Variants in CARD18 observed in about 807,000 individuals in gnomAD.
CARD18 encodes the protein caspase recruitment domain family member 18, also known as caspase recruitment domain-containing protein 18.
Under a neutral mutation model 7.9 loss-of-function variants are expected in CARD18, and 7 were observed. The observed-to-expected ratio is 0.88, with a 90% CI of 0.50 to 1.66. CARD18 has a LOEUF of 1.66. CARD18 is among the 40% of genes most tolerant of loss of function. CARD18 has a pLI of 0.00. For synonymous variants in CARD18, 34 were observed against 34.8 expected (o/e 0.98, Z 0.08); for missense variants, 134 against 105.5 (o/e 1.27, Z -1.18).
At chr11:105,138,694 G>T in intron 2 of CARD18, 118 bp downstream of exon 2, 1 of 1,146,994 alleles carries the variant, frequency 8.7e-7, no homozygotes, top group Non-Finnish European at 1.3e-6. Flanking sequence ...AAGGAATGGA[G>T]TCTGAGGCTA....
intron 1 of CARD18, 86 bp downstream of exon 1, chr11:105,139,634 A>C: frequency 8.7e-6 from 13 of 1,486,964 alleles, no homozygotes; most frequent in Non-Finnish European, 1.2e-5. Context: ...TGCCCACACA[A>C]ACCTTCACAA....
rs369808743 is a variant in CARD18, at chr11:105,139,754, G to C, written c.-28C>G. On this transcript the variant is annotated 5_prime_UTR_variant, in exon 1 of 3. Coordinates refer to ENST00000530950, the MANE Select transcript of CARD18 (RefSeq NM_021571.4). ...CTCCTCACGTTGGCACTTGCAATGT[G>C]TGTTACACTTGCAATGACAGGCAAG... is the stretch of plus-strand genomic sequence containing the variant. 6.3e-7 allele frequency: 1 copy of C among 1,598,126 alleles called. No individual in the cohort carries two copies. The highest frequency in any genetic ancestry group is 8.5e-7 in the Non-Finnish European group (1 of 1,178,824).
At chr11:105,139,623 C>T (rs925558831) in intron 1 of CARD18, 97 bp downstream of exon 1, 4 of 1,355,136 alleles carry the variant, frequency 3.0e-6, no homozygotes, top group African/African-American at 1.4e-5. Context: ...CACCCCAAGG[C>T]TGCCCACACA....
Position 105,138,910 on chromosome 11 carries a change from T to C in CARD18, c.176A>G (p.Asp59Gly). 6.2e-7 allele frequency: 1 copy of C among 1,613,722 alleles called. No individual in the cohort carries two copies. Among genetic ancestry groups the C allele is most frequent in the Non-Finnish European group, 8.5e-7 (1 of 1,179,718 alleles). Reference sequence around the variant, plus strand: ...CTTGGGTCCTTTTCCAGTAACAAGGTCAATCAAGACTCGAGCCTTATCCAT... The same window carrying C: ...CTTGGGTCCTTTTCCAGTAACAAGGCCAATCAAGACTCGAGCCTTATCCAT... ...TVMDKARVLI[D>G]LVTGKGPKSC... The change falls in exon 2 of 3, where the codon GAC becomes GGC. Residue 59 changes from aspartate (D) to glycine (G), a missense_variant. Asp to Gly is a moderately conservative substitution (Grantham distance 94). Coordinates refer to ENST00000530950, the MANE Select transcript of CARD18 (RefSeq NM_021571.4).
Position 105,139,112 on chromosome 11 carries a change from A to AC in CARD18, c.8-35dup, listed in dbSNP as rs1309799594. On this transcript the variant is annotated intron_variant, in intron 1 of 2. Transcript: ENST00000530950. Reference sequence around the variant, plus strand: ...AGCACAAAGATTCCTCAAATAATGAACATGACACAATTTCCCTCTCAATTT... The same window carrying AC: ...AGCACAAAGATTCCTCAAATAATGAACCATGACACAATTTCCCTCTCAATTT... 1.0e-5 allele frequency: 16 copies of AC among 1,594,154 alleles called. No individual in the cohort carries two copies. The African/African-American group carries it at 1.9e-4, about 19-fold the overall frequency.
chr11:105,138,703 TA>T (rs1191338442), intron 2 of CARD18, 108 bp downstream of exon 2: 25 of 1,265,506 alleles, frequency 2.0e-5, no homozygotes, highest in Non-Finnish European at 2.7e-5. Flanking sequence ...AGTCTGAGGC[TA>T]AAATGATAGG....
rs1370483885 is a variant in CARD18 at position 105,137,947 on chromosome 11, G to A, written c.*153C>T. 3.3e-5 allele frequency: 5 copies of A among 152,186 alleles called. No individual in the cohort carries two copies. Among genetic ancestry groups the A allele is most frequent in the African/African-American group, 9.6e-5 (4 of 41,452 alleles). The allele number at this position is 152,186 out of a possible 1,614,324, so 9.4% of individuals were successfully genotyped here. A position where few individuals can be genotyped will look rare whatever the true frequency, so the allele number is the denominator to read the frequency against. On this transcript the variant is annotated 3_prime_UTR_variant, in exon 3 of 3. Transcript: ENST00000530950. ...AAAGAATAAGAAGAAAGTAATATGA[G>A]AGAATGAAAGATTTATTGGAAATTG...
chr11:105,139,535 C>T (rs1865447411), intron 1 of CARD18, 185 bp downstream of exon 1: 4 of 609,242 alleles, frequency 6.6e-6, no homozygotes, highest in South Asian at 6.4e-5. Context: ...TTCTTCCTGG[C>T]CTTTATCTGT....
In CARD18 at chr11:105,138,826, A is replaced by G. The variant is rs1865437737; in HGVS notation, c.260T>C (p.Met87Thr). 6 of 1,613,594 alleles carry G rather than the reference A, an allele frequency of 3.7e-6. No homozygotes were observed. Among genetic ancestry groups the G allele is most frequent in the South Asian group, 1.1e-5 (1 of 91,070 alleles). The part of the protein sequence containing the change: ...CEEDPQLASK[M>T]GLH The stretch of plus-strand genomic sequence containing the variant: ...TTCCACCTTACCTTAGTGCAAACCC[A>G]TCTTTGAGGCAAGTTGAGGGTCTTC... Residue 87 changes from methionine to threonine, a missense_variant, in exon 2 of 3, where the codon ATG (methionine) becomes ACG (threonine). By Grantham distance (81) the Met-to-Thr change is moderately conservative. Transcript: ENST00000530950.
intron 2 of CARD18, 96 bp downstream of exon 2, chr11:105,138,713 GGAA>G: frequency 7.5e-7 from 1 of 1,325,298 alleles, no homozygotes; most frequent in Non-Finnish European, 1.1e-6. Context: ...TAAAATGATA[GGAA>G]CCCTATTATC....
Position 105,138,082 on chromosome 11 carries a change from A to G in CARD18, c.*18T>C, listed in dbSNP as rs1475593859. ...CTCTGGGAAGTCTCTGAAGTGCTCCAGAGTTCCATCTTCTCTCTGTGGAGG... is the reference window on the plus strand; with the variant it reads ...CTCTGGGAAGTCTCTGAAGTGCTCCGGAGTTCCATCTTCTCTCTGTGGAGG... On this transcript the variant is annotated 3_prime_UTR_variant, in exon 3 of 3. Transcript: ENST00000530950. 2 of 152,074 alleles carry G rather than the reference A, an allele frequency of 1.3e-5. No individual in the cohort carries two copies. Among genetic ancestry groups the G allele is most frequent in the East Asian group, 3.9e-4 (2 of 5,178 alleles). The allele number at this position is 152,074 out of a possible 1,614,324, so 9.4% of individuals were successfully genotyped here. A position where few individuals can be genotyped will look rare whatever the true frequency, so the allele number is the denominator to read the frequency against.
At chr11:105,138,429 A>C (rs991738031) in intron 2 of CARD18, among the ~76,000 whole-genome samples, 1 of 152,150 alleles carries the variant, frequency 6.6e-6, no homozygotes, top group African/African-American at 2.4e-5. Flanking sequence ...TGGTAGGTAC[A>C]AAAAGAGCTT....
chr11:105,139,205 T>C (rs1178753099), intron 1 of CARD18, 127 bp from the exon 2 acceptor site: 2 of 1,018,162 alleles, frequency 2.0e-6, no homozygotes, highest in Non-Finnish European at 2.8e-6. Context: ...AACGGTCTTA[T>C]ACCTTTGCAT....
chr11:105,139,318 C>G (rs929640253), intron 1 of CARD18: 1 of 562,966 alleles, frequency 1.8e-6, no homozygotes, highest in Non-Finnish European at 3.1e-6. Context: ...TCCTAAAAAT[C>G]AGAAGTCATT....
rs1292741717 is a variant in CARD18 at position 105,139,090 on chromosome 11, A to G, written c.8-12T>C. On this transcript the variant is annotated splice_polypyrimidine_tract_variant and intron_variant, in intron 1 of 2. Transcript: ENST00000530950. Reference sequence around the variant, plus strand: ...ACGCAAGAGTTGGTCTGTTGGAAGCACAAAGATTCCTCAAATAATGAACAT... The same window carrying G: ...ACGCAAGAGTTGGTCTGTTGGAAGCGCAAAGATTCCTCAAATAATGAACAT... 1 of 1,605,570 alleles carries G rather than the reference A, an allele frequency of 6.2e-7. No homozygotes were observed. Among genetic ancestry groups the G allele is most frequent in the Non-Finnish European group, 8.5e-7 (1 of 1,175,644 alleles).
At chr11:105,139,315 A>T in intron 1 of CARD18, 1 of 561,668 alleles carries the variant, frequency 1.8e-6, no homozygotes. Flanking sequence ...ATCTCCTAAA[A>T]ATCAGAAGTC....
At chr11:105,138,711 T>C in intron 2 of CARD18, 101 bp downstream of exon 2, 2 of 1,313,462 alleles carry the variant, frequency 1.5e-6, no homozygotes, top group Non-Finnish European at 1.1e-6. Flanking sequence ...GCTAAAATGA[T>C]AGGAACCCTA....
chr11:105,139,604 TTCTC>T lies in CARD18; in HGVS notation c.7+112_7+115del, dbSNP rs1865448207. The stretch of plus-strand genomic sequence containing the variant: ...TCCCACCCTGCCTCTCCCTTCTTCT[TTCTC>T]TCTCCACCCCAAGGCTGCCCACACA... On this transcript the variant is annotated intron_variant, in intron 1 of 2. Coordinates refer to ENST00000530950, the MANE Select transcript of CARD18 (RefSeq NM_021571.4). 1.1e-5 allele frequency: 13 copies of T among 1,138,704 alleles called. No homozygotes were observed. In the South Asian group the frequency reaches 1.6e-4, roughly 14 times the overall value. 70.5% of individuals were successfully genotyped at this position (1,138,704 alleles called of 1,614,324 possible).
At chr11:105,139,398 T>A (rs1865445975) in intron 1 of CARD18, 1 of 538,052 alleles carries the variant, frequency 1.9e-6, no homozygotes, top group African/African-American at 1.9e-5. Context: ...TGAAGGGAAT[T>A]GACTGTTTCC....
Sources: allele counts gnomAD v4.1 joint callset (sites outside exome capture counted in the v4.1 genomes callset), GRCh38; gene constraint gnomAD v4.1.1; transcripts MANE v1.5; gene names NCBI Gene and HGNC (gene_info 2026-07-23, HGNC 2026-07-21).